RBFOX1: variants seen among roughly 807,000 people sequenced by gnomAD.
The protein encoded by RBFOX1 is RNA binding protein fox-1 homolog 1.
In RBFOX1, 8 loss-of-function variants were observed where a neutral mutation model predicts 57.7. The observed-to-expected ratio is 0.14, with a 90% CI of 0.08 to 0.25. RBFOX1 has a LOEUF of 0.25. Among genes scored for constraint, RBFOX1 ranks in the 10% least tolerant of loss-of-function variants. The probability of loss-of-function intolerance (pLI) is 1.00; values close to 1 mark genes in which losing one functional copy is unlikely to be tolerated. For missense variants in RBFOX1, 611 were observed against 548.5 expected (o/e 1.11, Z -1.14); for synonymous variants, 326 against 222.4 (o/e 1.47, Z -4.15).
chr16:7,413,030 A>T (rs2098445004), intron 4 of RBFOX1, among the ~76,000 whole-genome samples: 1 of 152,214 alleles, frequency 6.6e-6, no homozygotes, highest in African/African-American at 2.4e-5. Context: ...CGAAAGAGCG[A>T]GACTCCGTCT....
intron 2 of RBFOX1, among the ~76,000 whole-genome samples, chr16:6,540,419 C>T (rs1279678099): frequency 6.6e-6 from 1 of 151,830 alleles, no homozygotes; most frequent in South Asian, 2.1e-4. Context: ...CGAGACTATC[C>T]TGGCCAACAT....
intron 3 of RBFOX1, among the ~76,000 whole-genome samples, chr16:5,794,494 AACTC>A (rs920977787): frequency 2.0e-5 from 3 of 151,990 alleles, no homozygotes; most frequent in African/African-American, 7.3e-5. Flanking sequence ...CCTTATGTGA[AACTC>A]AATGCCAGCG....
intron 4 of RBFOX1, among the ~76,000 whole-genome samples, chr16:7,462,855 C>A (rs1446526438): frequency 6.6e-6 from 1 of 152,196 alleles, no homozygotes; most frequent in Non-Finnish European, 1.5e-5. Flanking sequence ...TTCTCTTTTG[C>A]CACATCACTC....
In RBFOX1 at chr16:5,949,399, G is replaced by A. The variant is rs766399107; in HGVS notation, c.351+82064G>A. 1.1e-4 allele frequency among the ~76,000 whole-genome samples: 17 copies of A among 151,732 alleles called. No individual in the cohort carries two copies. The South Asian group carries it at 1.9e-3, about 17-fold the overall frequency. On this transcript the variant is annotated intron_variant, in intron 4 of 19. Coordinates refer to the RBFOX1 transcript ENST00000641259. ...AAATTAGCCTGGCATGGTGGTGGGC[G>A]CCTGTAGTCCCAGCTACTCGGGAGG...
chr16:7,008,523 G>A, intron 3 of RBFOX1, among the ~76,000 whole-genome samples: 1 of 152,008 alleles, frequency 6.6e-6, no homozygotes, highest in Non-Finnish European at 1.5e-5. Flanking sequence ...CTGGGTGACA[G>A]GGCAAGACTT....
At chr16:7,037,362 C>G (rs1346245361) in intron 3 of RBFOX1, among the ~76,000 whole-genome samples, 1 of 151,360 alleles carries the variant, frequency 6.6e-6, no homozygotes, top group Non-Finnish European at 1.5e-5. Flanking sequence ...CTGCCTCAGC[C>G]TCCCAAGTAG....
chr16:7,331,505 T>A (rs1282666423), intron 4 of RBFOX1, among the ~76,000 whole-genome samples: 1 of 152,236 alleles, frequency 6.6e-6, no homozygotes, highest in Non-Finnish European at 1.5e-5. Flanking sequence ...GATTGTTATC[T>A]GAGCCTTCAG....
rs1279661303 is a variant in RBFOX1, at chr16:5,892,851, GA to G, written c.351+25517del. Among the ~76,000 whole-genome samples, 4 of 152,210 alleles carry G rather than the reference GA, an allele frequency of 2.6e-5. No individual in the cohort carries two copies. The South Asian group carries it at 8.3e-4, about 32-fold the overall frequency. On this transcript the variant is annotated intron_variant, in intron 4 of 19. Transcript: ENST00000641259. ...GAGTGCGCTGGAGCTGAGCATGTGA[GA>G]TTCAGCACCCCAGGTGCCATGAGAG...
chr16:7,588,807 C>T (rs888630607), intron 7 of RBFOX1, among the ~76,000 whole-genome samples: 29 of 152,176 alleles, frequency 1.9e-4, no homozygotes, highest in African/African-American at 7.0e-4. Context: ...AGCCTTCCTC[C>T]CTCCTAAGTA....
At chr16:5,909,015 A>C (rs868540127) in intron 4 of RBFOX1, among the ~76,000 whole-genome samples, 19 of 151,898 alleles carry the variant, frequency 1.3e-4, no homozygotes, top group Admixed American at 6.6e-4. Context: ...GAACTGTGAG[A>C]AATAAATTTC....
At chr16:7,243,514 C>G (rs12935750) in intron 4 of RBFOX1, among the ~76,000 whole-genome samples, 46,604 of 151,984 alleles carry the variant, frequency 0.31, 7,692 homozygotes, top group Middle Eastern at 0.51. Flanking sequence ...CAGAAGGGCT[C>G]CCCAGGAAGT....
At chr16:6,886,065 TC>T (rs1176297647) in intron 3 of RBFOX1, among the ~76,000 whole-genome samples, 10 of 146,876 alleles carry the variant, frequency 6.8e-5, no homozygotes, top group Middle Eastern at 3.2e-3. Context: ...ATTTTTTTTT[TC>T]TTTTTTTTTT....
intron 2 of RBFOX1, among the ~76,000 whole-genome samples, chr16:6,462,528 T>C (rs10492832): frequency 0.14 from 21,184 of 152,216 alleles, 2,373 homozygotes; most frequent in East Asian, 0.46. Context: ...TAATTCTTCG[T>C]TGGATTTGTG....
At chr16:5,557,724 G>C (rs972521915) in intron 2 of RBFOX1, among the ~76,000 whole-genome samples, 1 of 152,168 alleles carries the variant, frequency 6.6e-6, no homozygotes, top group African/African-American at 2.4e-5. Context: ...TGGTAGAAGA[G>C]GGTGGTACCC....
chr16:7,375,225 C>G (rs1024584770), intron 4 of RBFOX1, among the ~76,000 whole-genome samples: 1 of 152,158 alleles, frequency 6.6e-6, no homozygotes, highest in African/African-American at 2.4e-5. Flanking sequence ...TTTCAGTGAC[C>G]AAGTCACTGT....
chr16:5,526,155 C>G (rs983213511), intron 2 of RBFOX1, among the ~76,000 whole-genome samples: 2 of 152,176 alleles, frequency 1.3e-5, no homozygotes, highest in East Asian at 3.9e-4. Flanking sequence ...GACTTTGCTT[C>G]TCTCTTCCCT....
chr16:5,274,390 G>C (rs750327009), intron 1 of RBFOX1, among the ~76,000 whole-genome samples: 6 of 152,238 alleles, frequency 3.9e-5, no homozygotes, highest in Admixed American at 3.3e-4. Flanking sequence ...TTAGCCAGGC[G>C]TGGTCGTGGG....
chr16:7,162,790 C>T (rs879570765), intron 4 of RBFOX1, among the ~76,000 whole-genome samples: 2 of 152,018 alleles, frequency 1.3e-5, no homozygotes, highest in Non-Finnish European at 2.9e-5. Context: ...GAAAACAGCT[C>T]TCCTCCTCCT....
chr16:6,302,806 T>G (rs2078975546), intron 1 of RBFOX1, among the ~76,000 whole-genome samples: 1 of 152,210 alleles, frequency 6.6e-6, no homozygotes, highest in African/African-American at 2.4e-5. Context: ...GAGACTAAAC[T>G]TATGCCCCTT....
Sources: gnomAD v4.1 joint callset for allele counts (sites outside exome capture counted in the v4.1 genomes callset) on GRCh38, gnomAD v4.1.1 for gene constraint, MANE v1.5 for transcripts, NCBI Gene and HGNC (gene_info 2026-07-23, HGNC 2026-07-21) for gene names.